MTCL1: variants seen among roughly 807,000 people sequenced by gnomAD.
The protein encoded by MTCL1 is microtubule crosslinking factor 1.
A neutral mutation model predicts 141.4 loss-of-function variants in MTCL1; 79 were observed. The observed-to-expected ratio is 0.56, with a 90% CI of 0.47 to 0.67. The LOEUF (loss-of-function observed/expected upper bound fraction) is 0.67. Ranked by LOEUF, MTCL1 falls within the 30% of genes least tolerant of loss-of-function variation. The pLI, the probability that MTCL1 is intolerant of heterozygous loss-of-function variation, is 0.00. For synonymous variants in MTCL1, 914 were observed against 875.8 expected, an observed-to-expected ratio of 1.04 and a Z score of -0.77; for missense variants, 2,177 against 2,113.9, an observed-to-expected ratio of 1.03 and a Z score of -0.59.
chr18:8,788,237 C>T (rs929322569), intron 7 of MTCL1, among the ~76,000 whole-genome samples: 1 of 152,118 alleles, frequency 6.6e-6, no homozygotes, highest in Non-Finnish European at 1.5e-5. Context: ...GTCCTGCCGG[C>T]AGCTTTCTTT....
At chr18:8,816,398 T>G (rs1352710331) in intron 12 of MTCL1, among the ~76,000 whole-genome samples, 1 of 152,264 alleles carries the variant, frequency 6.6e-6, no homozygotes, top group Non-Finnish European at 1.5e-5. Context: ...ACATAATTTC[T>G]GCACCACATG....
chr18:8,788,802 C>T (rs139341227), intron 7 of MTCL1, among the ~76,000 whole-genome samples: 26 of 152,296 alleles, frequency 1.7e-4, no homozygotes, highest in Admixed American at 2.0e-4. Context: ...CGGACACCCA[C>T]TGACACATCA....
At chr18:8,799,600 T>G (rs1431073994) in intron 10 of MTCL1, among the ~76,000 whole-genome samples, 1 of 152,210 alleles carries the variant, frequency 6.6e-6, no homozygotes, top group East Asian at 1.9e-4. Context: ...ATCTACTAAT[T>G]TTACTTTTTG....
At chr18:8,742,021 A>G (rs1253345958) in intron 4 of MTCL1, among the ~76,000 whole-genome samples, 1 of 149,660 alleles carries the variant, frequency 6.7e-6, no homozygotes, top group Non-Finnish European at 1.5e-5. Flanking sequence ...TGGTGTCCTC[A>G]GGAGCTCTAA....
At chr18:8,733,114 G>T (rs12961444) in intron 4 of MTCL1, among the ~76,000 whole-genome samples, 3 of 152,162 alleles carry the variant, frequency 2.0e-5, no homozygotes, top group East Asian at 3.9e-4. Flanking sequence ...CTCCTGGCAG[G>T]GGGGAGGAAG....
At chr18:8,802,358 G>T (rs1349060299) in intron 10 of MTCL1, 4 of 152,226 alleles carry the variant, frequency 2.6e-5, no homozygotes, top group African/African-American at 4.8e-5. Context: ...CAATATGTCT[G>T]TTCCAGCTTT....
rs182187201 is a variant in MTCL1 at position 8,769,014 on chromosome 18, C to T, written c.358-8819C>T. On this transcript the variant is annotated intron_variant, in intron 4 of 16. Coordinates refer to ENST00000359865, the Ensembl canonical transcript of MTCL1. ...TTCACCATGTTGGCCTGGCTGGTCTCGAGCTCCTGACCTCAGGTGATCCAC... is the reference window on the plus strand; with the variant it reads ...TTCACCATGTTGGCCTGGCTGGTCTTGAGCTCCTGACCTCAGGTGATCCAC... Among the ~76,000 whole-genome samples the T allele has an allele frequency of 1.2e-3, 179 of 152,186 alleles. 1 individual carries two copies. The highest frequency in any genetic ancestry group is 3.9e-3 in the African/African-American group (163 of 41,490).
intron 1 of MTCL1, among the ~76,000 whole-genome samples, chr18:8,711,856 C>G (rs554063056): frequency 6.6e-6 from 1 of 152,288 alleles, no homozygotes; most frequent in African/African-American, 2.4e-5. Flanking sequence ...CAGGCACTTT[C>G]TTAATGCTGA....
chr18:8,746,635 C>T (rs577739585), intron 4 of MTCL1, among the ~76,000 whole-genome samples: 2 of 152,138 alleles, frequency 1.3e-5, no homozygotes, highest in Admixed American at 6.5e-5. Context: ...AGCCTTCTCT[C>T]GAGCTGCACT....
At chr18:8,809,582 G>A in intron 11 of MTCL1, 1 of 1,535,932 alleles carries the variant, frequency 6.5e-7, no homozygotes, top group Non-Finnish European at 8.7e-7. Flanking sequence ...TGACTCTGAA[G>A]TAAAGCAGCA....
chr18:8,827,159 G>A (rs1185762016), intron 15 of MTCL1, among the ~76,000 whole-genome samples: 11 of 152,366 alleles, frequency 7.2e-5, no homozygotes, highest in Admixed American at 2.0e-4. Flanking sequence ...GGCTGCTCCC[G>A]CAGATGGCGG....
At chr18:8,773,734 A>G (rs1277889049) in intron 4 of MTCL1, among the ~76,000 whole-genome samples, 2 of 151,672 alleles carry the variant, frequency 1.3e-5, no homozygotes, top group Admixed American at 1.3e-4. Context: ...ACCTTTTTTG[A>G]TCTCACAATA....
intron 12 of MTCL1, among the ~76,000 whole-genome samples, chr18:8,816,036 T>G (rs2076645268): frequency 6.6e-6 from 1 of 152,222 alleles, no homozygotes; most frequent in Non-Finnish European, 1.5e-5. Flanking sequence ...GAAGACTTCT[T>G]AAATCTCAGT....
At chr18:8,767,695 G>A (rs1054896417) in intron 4 of MTCL1, among the ~76,000 whole-genome samples, 35 of 151,914 alleles carry the variant, frequency 2.3e-4, no homozygotes, top group Admixed American at 7.2e-4. Context: ...GGAGGTGTGG[G>A]ATGTTTGCAT....
At chr18:8,733,741 T>C (rs1598428592) in intron 4 of MTCL1, among the ~76,000 whole-genome samples, 3 of 152,276 alleles carry the variant, frequency 2.0e-5, no homozygotes, top group Middle Eastern at 6.8e-3. Context: ...ACCTCAAGCA[T>C]TGGCACTGAG....
At chr18:8,798,213 C>T (rs745606728) in exon 10 of MTCL1, 1 of 1,599,512 alleles carries the variant, frequency 6.3e-7, no homozygotes, top group Non-Finnish European at 8.5e-7. Flanking sequence ...TGGGGGAGCA[C>T]TCCCCACACT....
chr18:8,826,075 C>T lies in MTCL1; in HGVS notation c.4565C>T (p.Pro1522Leu), dbSNP rs534643009. The T allele has an allele frequency of 6.8e-6, 11 of 1,610,996 alleles. No homozygotes were observed. In the African/African-American group the frequency reaches 1.1e-4, roughly 16 times the overall value. ...GTGAAGCAGGACTTATCTGCTCCCC[C>T]TGGCTACACGCTCACTGAGAACGTG... Residue 1522 changes from proline to leucine, a missense_variant, in exon 15 of 17, where the codon CCT becomes CTT. By Grantham distance (98) the Pro-to-Leu change is moderately conservative (BLOSUM62 -3). Transcript: ENST00000359865.
chr18:8,794,945 C>G (rs1261575940), intron 8 of MTCL1, among the ~76,000 whole-genome samples: 1 of 152,194 alleles, frequency 6.6e-6, no homozygotes, highest in Non-Finnish European at 1.5e-5. Context: ...ACACTTCCCC[C>G]ACCCAAAAAA....
chr18:8,743,375 C>T (rs1245288055), intron 4 of MTCL1, among the ~76,000 whole-genome samples: 2 of 152,204 alleles, frequency 1.3e-5, no homozygotes, highest in South Asian at 2.1e-4. Flanking sequence ...AGGTCCAGTC[C>T]TAAGCACAGA....
Sources: allele counts gnomAD v4.1 joint callset (sites outside exome capture counted in the v4.1 genomes callset), GRCh38; gene constraint gnomAD v4.1.1; transcripts MANE v1.5; gene names NCBI Gene and HGNC (gene_info 2026-07-23, HGNC 2026-07-21).